Variants in WASF3 observed in about 807,000 individuals in gnomAD.
WASF3 encodes actin-binding protein WASF3.
In WASF3, 11 loss-of-function variants were observed where a neutral mutation model predicts 46.6. The ratio of observed to expected loss-of-function variants is 0.24; its 90% CI spans 0.15 to 0.39. The LOEUF (loss-of-function observed/expected upper bound fraction) is 0.39. Ranked by LOEUF, WASF3 falls within the 10% of genes least tolerant of loss-of-function variation. The probability of loss-of-function intolerance (pLI) is 1.00; values close to 1 mark genes in which losing one functional copy is unlikely to be tolerated. For synonymous variants in WASF3, 242 were observed against 259.7 expected, an observed-to-expected ratio of 0.93 and a Z score of 0.65; for missense variants, 576 against 669.8, an observed-to-expected ratio of 0.86 and a Z score of 1.55.
At position 26,566,810 on chromosome 13, in the gene WASF3, G is replaced by A. The variant is rs140664805; in HGVS notation, c.-109+8991G>A. Among the ~76,000 whole-genome samples, 146 of 152,330 alleles carry A rather than the reference G, an allele frequency of 9.6e-4. 1 individual carries two copies. Among genetic ancestry groups the A allele is most frequent in the African/African-American group, 3.4e-3 (142 of 41,576 alleles). ...CACATAGCAGAGCTATACGCCGCAG[G>A]AGAAGAGAGGTCATGGGGACTGGTA... On this transcript the variant is annotated intron_variant, in intron 1 of 9. Transcript: ENST00000335327.
chr13:26,685,856 G>A lies in WASF3; in HGVS notation c.*11G>A. On this transcript the variant is annotated 3_prime_UTR_variant, in exon 10 of 10. Coordinates refer to ENST00000335327, the MANE Select transcript of WASF3 (RefSeq NM_006646.6). ...GACTGGTCCGACTGAGCAAAGGCCG[G>A]CGGAGAGGCCGCGTGTGGGAGCGTG... 1 of 1,608,714 alleles carries A rather than the reference G, an allele frequency of 6.2e-7. No individual in the cohort carries two copies. Among genetic ancestry groups the A allele is most frequent in the South Asian group, 1.1e-5 (1 of 91,014 alleles).
intron 1 of WASF3, among the ~76,000 whole-genome samples, chr13:26,611,552 T>G (rs1880978782): frequency 6.6e-6 from 1 of 152,160 alleles, no homozygotes; most frequent in Non-Finnish European, 1.5e-5. Context: ...TTAAGTGAAA[T>G]GTATAGGGCT....
intron 2 of WASF3, among the ~76,000 whole-genome samples, chr13:26,635,298 T>C (rs1881783841): frequency 6.6e-6 from 1 of 152,236 alleles, no homozygotes; most frequent in African/African-American, 2.4e-5. Context: ...AGCTTGTGCA[T>C]GCGTCATGAA....
intron 3 of WASF3, among the ~76,000 whole-genome samples, chr13:26,643,257 C>G (rs1212318714): frequency 1.3e-5 from 2 of 152,074 alleles, no homozygotes; most frequent in African/African-American, 4.8e-5. Flanking sequence ...CAGGTTTTCA[C>G]AGTTAAATTT....
rs540983226 is a variant in WASF3, at chr13:26,679,983, C to T, written c.717-1071C>T. On this transcript the variant is annotated intron_variant, in intron 7 of 9. Coordinates refer to ENST00000335327, the MANE Select transcript of WASF3 (RefSeq NM_006646.6). The surrounding 1 kb of genome is among the most constrained non-coding windows in gnomAD (Gnocchi z 4.8). ...ATCCCAAAGATGGAAATGCAGCGTG[C>T]ATCTTCCCTGCTCCCTCAGCACCCC... 2.9e-5 allele frequency: 46 copies of T among 1,564,226 alleles called. No homozygotes were observed. In the African/African-American group the frequency reaches 5.0e-4, roughly 17 times the overall value.
chr13:26,674,151 C>T (rs965468146), intron 6 of WASF3, among the ~76,000 whole-genome samples: 6 of 152,140 alleles, frequency 3.9e-5, no homozygotes, highest in East Asian at 3.8e-4. Context: ...GGTTCGCATG[C>T]GCTTGTGTGT....
chr13:26,653,294 A>C (rs985305266), intron 3 of WASF3, among the ~76,000 whole-genome samples: 1 of 152,102 alleles, frequency 6.6e-6, no homozygotes, highest in Non-Finnish European at 1.5e-5. Flanking sequence ...ATCAAGTATA[A>C]ATATGCAAAG....
intron 2 of WASF3, among the ~76,000 whole-genome samples, chr13:26,616,108 TTTTA>T (rs1881126180): frequency 6.6e-6 from 1 of 152,228 alleles, no homozygotes; most frequent in Non-Finnish European, 1.5e-5. Context: ...GGGCACATGC[TTTTA>T]TTTATTTTGG....
chr13:26,624,026 A>G (rs1374745594), intron 2 of WASF3, among the ~76,000 whole-genome samples: 5 of 152,256 alleles, frequency 3.3e-5, no homozygotes, highest in African/African-American at 1.2e-4. Flanking sequence ...GCTGGACAAG[A>G]AATACTGTTT....
chr13:26,655,027 A>C (rs1215495812), intron 3 of WASF3, among the ~76,000 whole-genome samples: 3 of 152,188 alleles, frequency 2.0e-5, no homozygotes, highest in African/African-American at 7.2e-5. Flanking sequence ...AAGACCAAAA[A>C]CAGTACAAAG....
chr13:26,572,377 CTTAAG>C (rs796985428), intron 1 of WASF3, among the ~76,000 whole-genome samples: 27 of 152,216 alleles, frequency 1.8e-4, no homozygotes, highest in African/African-American at 6.3e-4. Flanking sequence ...CTTGTTCTGT[CTTAAG>C]TTATGTTAAG....
rs1293915602 is a variant in WASF3 at position 26,682,885 on chromosome 13, G to GC, written c.1268dup (p.Val424SerfsTer3). ...TCTCTTTCGTCCTCCCCAATGCATG[G>GC]CCCCCCAGTAGCTGAGGCGAAGCGG... On this transcript the variant is annotated frameshift_variant, in exon 9 of 10. Coordinates refer to ENST00000335327, the MANE Select transcript of WASF3 (RefSeq NM_006646.6). LOFTEE classifies it high-confidence loss of function. This position sits in a 1 kb window ranked among gnomAD's most constrained non-coding sequence, Gnocchi z 4.4. 6.2e-7 allele frequency: 1 copy of GC among 1,611,784 alleles called. No individual in the cohort carries two copies. Among genetic ancestry groups the GC allele is most frequent in the Non-Finnish European group, 8.5e-7 (1 of 1,179,956 alleles).
chr13:26,596,654 T>C (rs1880473122), intron 1 of WASF3, among the ~76,000 whole-genome samples: 1 of 152,220 alleles, frequency 6.6e-6, no homozygotes, highest in Admixed American at 6.5e-5. Flanking sequence ...TTAATGAGCT[T>C]CTTCGATCTG....
intron 1 of WASF3, among the ~76,000 whole-genome samples, chr13:26,600,691 A>G (rs1880616032): frequency 1.3e-5 from 2 of 152,198 alleles, no homozygotes; most frequent in Admixed American, 6.5e-5. Context: ...TGGAGGCCAG[A>G]TGTTTTAGCT....
At chr13:26,637,390 C>A (rs1226206140) in intron 2 of WASF3, among the ~76,000 whole-genome samples, 5 of 152,168 alleles carry the variant, frequency 3.3e-5, no homozygotes, top group Admixed American at 3.3e-4. Flanking sequence ...AGGGCCCAGA[C>A]CTGCATACTT....
intron 3 of WASF3, among the ~76,000 whole-genome samples, chr13:26,656,056 A>G (rs1450231051): frequency 2.0e-5 from 3 of 152,156 alleles, no homozygotes; most frequent in Non-Finnish European, 2.9e-5. Flanking sequence ...GCTAAAATTT[A>G]TGAAAGCCCT....
intron 9 of WASF3, among the ~76,000 whole-genome samples, chr13:26,683,339 G>T (rs1455290121): frequency 6.6e-6 from 1 of 152,124 alleles, no homozygotes; most frequent in East Asian, 1.9e-4. Context: ...AGCTGAGCAT[G>T]TTGGCCTGAG....
intron 6 of WASF3, among the ~76,000 whole-genome samples, chr13:26,675,294 C>T (rs1467939550): frequency 6.6e-6 from 1 of 152,014 alleles, no homozygotes; most frequent in Non-Finnish European, 1.5e-5. Flanking sequence ...CCCAATGTAC[C>T]ATTTACATTC....
At position 26,686,124 on chromosome 13, in the gene WASF3, A is replaced by G. The variant is rs1222373178; in HGVS notation, c.*279A>G. Reference sequence around the variant, plus strand: ...CTGCTTTCCTCTTGGCCATGAGAGTATTTAGTGCAGTTTGGGTTTACTCTT... The same window carrying G: ...CTGCTTTCCTCTTGGCCATGAGAGTGTTTAGTGCAGTTTGGGTTTACTCTT... On this transcript the variant is annotated 3_prime_UTR_variant, in exon 10 of 10. Transcript: ENST00000335327. 2.6e-6 allele frequency: 1 copy of G among 389,012 alleles called. No homozygotes were observed. Among genetic ancestry groups the G allele is most frequent in the African/African-American group, 2.0e-5 (1 of 50,214 alleles). The allele number at this position is 389,012 out of a possible 1,614,324, so 24.1% of individuals were successfully genotyped here. A position where few individuals can be genotyped will look rare whatever the true frequency, so the allele number is the denominator to read the frequency against.
Sources: allele counts gnomAD v4.1 joint callset (sites outside exome capture counted in the v4.1 genomes callset), GRCh38; gene constraint gnomAD v4.1.1; non-coding constraint Gnocchi (gnomAD v3.1); transcripts MANE v1.5; gene names NCBI Gene and HGNC (gene_info 2026-07-23, HGNC 2026-07-21).